MYRF: variants seen among roughly 807,000 people sequenced by gnomAD.
MYRF encodes myelin gene regulatory factor.
MYRF carries 16 observed loss-of-function variants against 126.3 expected under a neutral mutation model. The observed-to-expected ratio is 0.13, with a 90% confidence interval of 0.09 to 0.19. MYRF has a LOEUF of 0.19. Among genes scored for constraint, MYRF ranks in the 10% least tolerant of loss-of-function variants. The probability of loss-of-function intolerance (pLI) is 1.00; values close to 1 mark genes in which losing one functional copy is unlikely to be tolerated. For synonymous variants in MYRF, 608 were observed against 635.3 expected (o/e 0.96, Z 0.65); for missense variants, 1,104 against 1,547.0 (o/e 0.71, Z 4.80).
chr11:61,765,518 ATC>A, intron 1 of MYRF, 105 bp from the exon 2 acceptor site: 1 of 814,850 alleles, frequency 1.2e-6, no homozygotes, highest in South Asian at 1.7e-5. Flanking sequence ...GAGCAGGGGC[ATC>A]TGTTTTGGAG....
intron 1 of MYRF, among the ~76,000 whole-genome samples, chr11:61,763,965 G>C (rs1034167638): frequency 1.3e-5 from 2 of 152,244 alleles, no homozygotes; most frequent in Non-Finnish European, 2.9e-5. Context: ...TGGGACCCGT[G>C]GTTACAGCAG....
chr11:61,765,991 G>A lies in MYRF; in HGVS notation c.168G>A (p.Ser56=), dbSNP rs777471453. ...CFPDISAPAS[S]ASYSHGQPAM... ...CTGACATCTCTGCTCCAGCCAGCTC[G>A]GCCTCCTACTCCCACGGGCAGCCTG... The change falls in exon 3 of 27, where the codon TCG becomes TCA. Residue 56 remains serine (S), a synonymous_variant. Transcript: ENST00000278836. 16 of 1,562,146 alleles carry A rather than the reference G, an allele frequency of 1.0e-5. No homozygotes were observed. The highest frequency in any genetic ancestry group is 7.6e-5 in the Admixed American group (4 of 52,562).
In MYRF at chr11:61,777,726, C is replaced by A; in HGVS notation, c.1792-8C>A. 6.5e-7 allele frequency: 1 copy of A among 1,549,162 alleles called. No homozygotes were observed. The highest frequency in any genetic ancestry group is 8.7e-7 in the Non-Finnish European group (1 of 1,145,180). On this transcript the variant is annotated splice_region_variant and splice_polypyrimidine_tract_variant and intron_variant, in intron 12 of 26. Transcript: ENST00000278836. This position sits in a 1 kb window ranked among gnomAD's most constrained non-coding sequence, Gnocchi z 8.8. ...GAGGGGTTCATTCCCGGGCCTGGCT[C>A]CCCGCAGGTGGACACCACCGAGCAA...
chr11:61,754,684 G>T (rs2065695963), intron 1 of MYRF, among the ~76,000 whole-genome samples: 1 of 152,234 alleles, frequency 6.6e-6, no homozygotes, highest in Non-Finnish European at 1.5e-5. Flanking sequence ...TAGCCATGCA[G>T]CGGCCTGGCG....
intron 1 of MYRF, among the ~76,000 whole-genome samples, chr11:61,765,028 C>T (rs1274895409): frequency 6.6e-6 from 1 of 152,228 alleles, no homozygotes; most frequent in Non-Finnish European, 1.5e-5. Context: ...CTCCCGCCTG[C>T]GGCCAGGGCC....
In MYRF at chr11:61,777,504, T is replaced by C. The variant is rs994896029; in HGVS notation, c.1791+40T>C. 5 of 1,295,600 alleles carry C rather than the reference T, an allele frequency of 3.9e-6. No homozygotes were observed. The highest frequency in any genetic ancestry group is 2.4e-5 in the Admixed American group (1 of 42,542). 80.3% of individuals were successfully genotyped at this position (1,295,600 alleles called of 1,614,324 possible). ...GTGGGGGCCGGGCGGGTCCAGACGC[T>C]GGAGCGGGCCGCGGGGGCGGGGCTC... On this transcript the variant is annotated intron_variant, in intron 12 of 26. Transcript: ENST00000278836. The surrounding 1 kb of genome is among the most constrained non-coding windows in gnomAD (Gnocchi z 8.8).
intron 26 of MYRF, 57 bp downstream of exon 26, chr11:61,785,931 G>A: frequency 6.3e-7 from 1 of 1,586,352 alleles, no homozygotes; most frequent in Non-Finnish European, 8.7e-7. Flanking sequence ...CTGCGACGTG[G>A]GGCTTGAGGA....
Position 61,778,523 on chromosome 11 carries a change from G to A in MYRF, c.2013+34G>A. 1.3e-6 allele frequency: 2 copies of A among 1,500,146 alleles called. No homozygotes were observed. Among genetic ancestry groups the A allele is most frequent in the Non-Finnish European group, 1.9e-6 (2 of 1,076,444 alleles). 92.9% of individuals were successfully genotyped at this position (1,500,146 alleles called of 1,614,324 possible). On this transcript the variant is annotated intron_variant, in intron 14 of 26. Transcript: ENST00000278836. The surrounding 1 kb of genome is among the most constrained non-coding windows in gnomAD (Gnocchi z 4.6). The stretch of plus-strand genomic sequence containing the variant: ...GTGGGGGAATGGGAGGGAGCCCAGA[G>A]GCAAGTGGGGAGCCAGCTGGGGAAC...
In MYRF at chr11:61,776,247, C is replaced by G; in HGVS notation, c.1389-75C>G. The G allele has an allele frequency of 6.4e-7, 1 of 1,560,410 alleles. No homozygotes were observed. The highest frequency in any genetic ancestry group is 8.8e-7 in the Non-Finnish European group (1 of 1,138,066). ...GTGTCCGCCTCATGTACGTTGCTGG[C>G]CTGGGTGCCCCTCAGTGGCGTGGCT... On this transcript the variant is annotated intron_variant, in intron 9 of 26. Transcript: ENST00000278836. The surrounding 1 kb of genome is among the most constrained non-coding windows in gnomAD (Gnocchi z 4.3).
intron 1 of MYRF, among the ~76,000 whole-genome samples, chr11:61,758,741 G>A (rs2065828496): frequency 1.3e-5 from 2 of 152,234 alleles, no homozygotes; most frequent in Non-Finnish European, 2.9e-5. Flanking sequence ...GCATTTTGCT[G>A]CTCTCGTCAT....
chr11:61,764,369 G>A (rs1416716370), intron 1 of MYRF, among the ~76,000 whole-genome samples: 3 of 152,200 alleles, frequency 2.0e-5, no homozygotes, highest in Non-Finnish European at 2.9e-5. Context: ...ACCTCATCTC[G>A]TTTCATACTC....
intron 5 of MYRF, 46 bp downstream of exon 5, chr11:61,770,571 A>G (rs2066191428): frequency 1.6e-6 from 2 of 1,288,172 alleles, no homozygotes; most frequent in Non-Finnish European, 2.2e-6. Context: ...GGTGGGGTAC[A>G]GGGACCAGGG....
At position 61,785,804 on chromosome 11, in the gene MYRF, C is replaced by T. The variant is rs771401900; in HGVS notation, c.3305C>T (p.Thr1102Ile). The T allele has an allele frequency of 1.6e-5, 26 of 1,614,044 alleles. No homozygotes were observed. The South Asian group carries it at 2.6e-4, about 16-fold the overall frequency. ...CCCTCTCTCCCTTCTCTCCAGGGCA[C>T]CTCTCACCGGTGGCCAATAACCATC... Reference protein sequence around the residue: ...SLHTHQDTQGTSHRWPITILS... With the variant: ...SLHTHQDTQGISHRWPITILS... Residue 1102 changes from threonine to isoleucine, a missense_variant, in exon 26 of 27, where the codon ACC becomes ATC. Thr to Ile is a moderately conservative substitution (Grantham distance 89). Transcript: ENST00000278836.
chr11:61,765,821 C>T (rs2066040572), intron 2 of MYRF, 109 bp downstream of exon 2: 1 of 1,414,374 alleles, frequency 7.1e-7, no homozygotes, highest in Admixed American at 2.1e-5. Context: ...GTGGTCCCAC[C>T]TCTGAAAGCT....
chr11:61,767,701 A>C (rs1432541558), intron 3 of MYRF, among the ~76,000 whole-genome samples: 1 of 149,726 alleles, frequency 6.7e-6, no homozygotes, highest in Non-Finnish European at 1.5e-5. Context: ...GCGTGTGCCT[A>C]TAGTCCCAGC....
At position 61,786,809 on chromosome 11, in the gene MYRF, G is replaced by A. The variant is rs2066704655; in HGVS notation, c.*666G>A. 1 of 153,066 alleles carries A rather than the reference G, an allele frequency of 6.5e-6. No homozygotes were observed. The highest frequency in any genetic ancestry group is 1.5e-5 in the Non-Finnish European group (1 of 68,312). The allele number at this position is 153,066 out of a possible 1,614,324, so 9.5% of individuals were successfully genotyped here. A position where few individuals can be genotyped will look rare whatever the true frequency, so the allele number is the denominator to read the frequency against. Reference sequence around the variant, plus strand: ...AGGGCAGCCGAGGCCAGCCCTGCCTGGGTTGGAGAAACTGACTTTGTGCCT... The same window carrying A: ...AGGGCAGCCGAGGCCAGCCCTGCCTAGGTTGGAGAAACTGACTTTGTGCCT... On this transcript the variant is annotated 3_prime_UTR_variant, in exon 27 of 27. Coordinates refer to ENST00000278836, the MANE Select transcript of MYRF (RefSeq NM_001127392.3). This position sits in a 1 kb window ranked among gnomAD's most constrained non-coding sequence, Gnocchi z 4.5.
intron 1 of MYRF, among the ~76,000 whole-genome samples, chr11:61,761,810 A>C (rs1441092318): frequency 6.6e-6 from 1 of 152,274 alleles, no homozygotes; most frequent in Non-Finnish European, 1.5e-5. Context: ...AAAATGAAGA[A>C]AAAGAAAATC....
intron 1 of MYRF, among the ~76,000 whole-genome samples, chr11:61,759,780 C>A (rs1039714761): frequency 1.3e-5 from 2 of 152,092 alleles, no homozygotes; most frequent in Non-Finnish European, 2.9e-5. Flanking sequence ...TGACTCAGAT[C>A]GAAGAACCTG....
intron 18 of MYRF, 59 bp from the exon 19 acceptor site, chr11:61,780,653 T>G: frequency 1.6e-5 from 23 of 1,469,182 alleles, no homozygotes; most frequent in Non-Finnish European, 2.0e-5. Flanking sequence ...CCTCTGACTG[T>G]GTCTTCTCTT....
Sources: gnomAD v4.1 joint callset for allele counts (sites outside exome capture counted in the v4.1 genomes callset) on GRCh38, gnomAD v4.1.1 for gene constraint, Gnocchi (gnomAD v3.1) non-coding constraint, MANE v1.5 for transcripts, NCBI Gene and HGNC (gene_info 2026-07-23, HGNC 2026-07-21) for gene names.